SYT14: variants seen among roughly 807,000 people sequenced by gnomAD.
The protein encoded by SYT14 is synaptotagmin-14.
Under a neutral mutation model 74.2 loss-of-function variants are expected in SYT14, and 32 were observed. That is an observed-to-expected ratio of 0.43 (90% CI 0.33 to 0.58). The LOEUF (loss-of-function observed/expected upper bound fraction) is 0.58, where lower values mean the gene tolerates loss of function less well. Among genes scored for constraint, SYT14 ranks in the 20% least tolerant of loss-of-function variants. The pLI is 0.05. For synonymous variants in SYT14, 298 were observed against 337.7 expected (o/e 0.88, Z 1.29); for missense variants, 791 against 981.8 (o/e 0.81, Z 2.60).
intron 5 of SYT14, among the ~76,000 whole-genome samples, chr1:210,034,298 C>T (rs952011968): frequency 1.3e-5 from 2 of 151,740 alleles, no homozygotes; most frequent in Non-Finnish European, 1.5e-5. Context: ...ACTGAAATAA[C>T]TTAGATAACA....
intron 5 of SYT14, among the ~76,000 whole-genome samples, chr1:210,034,682 G>A (rs1378311918): frequency 6.6e-6 from 1 of 151,628 alleles, no homozygotes; most frequent in African/African-American, 2.4e-5. Flanking sequence ...CACTCTCTGT[G>A]TGTAAATATT....
chr1:210,106,912 C>A (rs2082168575), intron 7 of SYT14, among the ~76,000 whole-genome samples: 1 of 152,190 alleles, frequency 6.6e-6, no homozygotes, highest in African/African-American at 2.4e-5. Flanking sequence ...TGAGACAAGG[C>A]AAGTCCCTTC....
chr1:210,056,742 C>T (rs1384061039), intron 5 of SYT14, among the ~76,000 whole-genome samples: 3 of 150,810 alleles, frequency 2.0e-5, no homozygotes, highest in Non-Finnish European at 3.0e-5. Context: ...AGGAGAATCA[C>T]GCCACTGCAC....
chr1:209,960,802 G>T (rs1315165418), intron 2 of SYT14, among the ~76,000 whole-genome samples: 1 of 152,152 alleles, frequency 6.6e-6, no homozygotes, highest in Non-Finnish European at 1.5e-5. Flanking sequence ...GGCTACAATA[G>T]ATATCCTATA....
In SYT14 at chr1:209,957,235, T is replaced by TTC. The variant is rs946109587; in HGVS notation, c.-486+4490_-486+4491dup. On this transcript the variant is annotated intron_variant, in intron 2 of 9. Transcript: ENST00000637265. ...TTAGCCCCCATTGCTGTCTTCTCTC[T>TTC]TCTCTCTCTCTCGTAGCTTTTCTCT... Among the ~76,000 whole-genome samples the TTC allele has an allele frequency of 1.5e-4, 23 of 152,082 alleles. No individual in the cohort carries two copies. In the East Asian group the frequency reaches 2.7e-3, roughly 18 times the overall value.
intron 7 of SYT14, among the ~76,000 whole-genome samples, chr1:210,120,374 T>TC (rs2082435727): frequency 7.0e-6 from 1 of 143,278 alleles, no homozygotes; most frequent in African/African-American, 3.0e-5. Flanking sequence ...TGTTTTTTTT[T>TC]TTTTTGTTTG....
intron 2 of SYT14, among the ~76,000 whole-genome samples, chr1:209,972,541 T>C (rs2079274848): frequency 6.6e-6 from 1 of 152,150 alleles, no homozygotes; most frequent in Non-Finnish European, 1.5e-5. Context: ...TTTTTGTATG[T>C]TGTGTCTCTG....
chr1:210,100,161 A>T, exon 7 of SYT14: 1 of 1,614,112 alleles, frequency 6.2e-7, no homozygotes. Context: ...CAGACATCCC[A>T]ACATATAACA....
exon 4 of SYT14, chr1:210,015,767 CAT>C (rs902667364): frequency 7.0e-5 from 46 of 661,136 alleles, no homozygotes; most frequent in Non-Finnish European, 9.4e-5. Flanking sequence ...GAAAAAATGT[CAT>C]AACGTTTAAA....
At chr1:209,951,291 C>T (rs1485404117) in intron 1 of SYT14, among the ~76,000 whole-genome samples, 2 of 152,130 alleles carry the variant, frequency 1.3e-5, no homozygotes, top group Non-Finnish European at 2.9e-5. Context: ...CCTCTCCATT[C>T]CCTTCTTCTC....
intron 2 of SYT14, among the ~76,000 whole-genome samples, chr1:210,012,712 T>C (rs943737662): frequency 2.6e-5 from 4 of 152,042 alleles, no homozygotes; most frequent in South Asian, 2.1e-4. Context: ...TTCTTTCTTT[T>C]TTTTTTTTTG....
intron 2 of SYT14, among the ~76,000 whole-genome samples, chr1:210,009,565 A>C (rs1558125866): frequency 6.6e-6 from 1 of 152,066 alleles, no homozygotes; most frequent in Non-Finnish European, 1.5e-5. Flanking sequence ...ATGTAACATA[A>C]GATATTTACC....
chr1:210,075,113 T>G (rs1475830367), intron 5 of SYT14, among the ~76,000 whole-genome samples: 1 of 152,140 alleles, frequency 6.6e-6, no homozygotes, highest in Non-Finnish European at 1.5e-5. Flanking sequence ...CGGCCCGGGC[T>G]CTCCTCTGAC....
intron 5 of SYT14, among the ~76,000 whole-genome samples, chr1:210,063,467 T>A (rs1434963351): frequency 3.3e-5 from 5 of 151,890 alleles, no homozygotes; most frequent in African/African-American, 1.2e-4. Context: ...CCTTGTCAAA[T>A]CTTTTATGGT....
intron 5 of SYT14, among the ~76,000 whole-genome samples, chr1:210,049,897 C>T (rs906865157): frequency 6.6e-6 from 1 of 152,194 alleles, no homozygotes; most frequent in Non-Finnish European, 1.5e-5. Flanking sequence ...GGGCCTGGCC[C>T]ACAAAACCAC....
At chr1:209,959,811 T>C (rs1432368516) in intron 2 of SYT14, among the ~76,000 whole-genome samples, 1 of 152,174 alleles carries the variant, frequency 6.6e-6, no homozygotes, top group Non-Finnish European at 1.5e-5. Flanking sequence ...TATGGGTTTT[T>C]CTGGGGAGTG....
intron 2 of SYT14, among the ~76,000 whole-genome samples, chr1:210,006,666 C>A (rs1352036888): frequency 6.6e-6 from 1 of 151,708 alleles, no homozygotes; most frequent in Admixed American, 6.6e-5. Context: ...TAAGTTGTTA[C>A]TTTTTATCTT....
At chr1:210,133,840 C>CT (rs11341932) in intron 7 of SYT14, among the ~76,000 whole-genome samples, 10,389 of 128,738 alleles carry the variant, frequency 0.081, 1,264 homozygotes, top group African/African-American at 0.26. Flanking sequence ...CTTATTTACT[C>CT]TTTTTTTTTT....
At chr1:210,044,302 G>GTT (rs2080846996) in intron 5 of SYT14, among the ~76,000 whole-genome samples, 1 of 152,024 alleles carries the variant, frequency 6.6e-6, no homozygotes, top group South Asian at 2.1e-4. Context: ...AGTTGGTTTT[G>GTT]TTTTATTTAG....
Sources: gnomAD v4.1 joint callset for allele counts (sites outside exome capture counted in the v4.1 genomes callset) on GRCh38, gnomAD v4.1.1 for gene constraint, MANE v1.5 for transcripts, NCBI Gene and HGNC (gene_info 2026-07-23, HGNC 2026-07-21) for gene names.